Variants in XPR1 observed in about 807,000 individuals in gnomAD.
The protein encoded by XPR1 is xenotropic and polytropic retrovirus receptor 1, also known as solute carrier family 53 member 1.
A neutral mutation model predicts 87.5 loss-of-function variants in XPR1; 28 were observed. The ratio of observed to expected loss-of-function variants is 0.32; its 90% CI spans 0.24 to 0.44. XPR1 has a LOEUF of 0.44. XPR1 is among the 20% of genes least tolerant of loss of function. The probability of loss-of-function intolerance (pLI) is 1.00; values close to 1 mark genes in which losing one functional copy is unlikely to be tolerated. For synonymous variants in XPR1, 300 were observed against 306.1 expected (o/e 0.98, Z 0.21); for missense variants, 559 against 862.3 (o/e 0.65, Z 4.41).
chr1:180,750,056 A>G (rs954219173), intron 2 of XPR1, among the ~76,000 whole-genome samples: 15 of 152,220 alleles, frequency 9.9e-5, no homozygotes, highest in Non-Finnish European at 1.6e-4. Flanking sequence ...TGAAAACACT[A>G]TGAATCATAG....
chr1:180,772,103 T>TTCAG (rs1403862021), intron 2 of XPR1, among the ~76,000 whole-genome samples: 188 of 152,032 alleles, frequency 1.2e-3, no homozygotes, highest in African/African-American at 4.4e-3. Context: ...TATTCAGTTA[T>TTCAG]TTATTTATTC....
rs1167165310 is a variant in XPR1 at position 180,849,511 on chromosome 1, C to T, written c.1501+12795C>T. ...GGGCGATCCAAAATTTGCATTTTTA[C>T]CATGTCTTCTGCTAAAGGTGATTCA... is the stretch of plus-strand genomic sequence containing the variant. On this transcript the variant is annotated intron_variant, in intron 11 of 14. Coordinates refer to ENST00000367590, the MANE Select transcript of XPR1 (RefSeq NM_004736.4). Among the ~76,000 whole-genome samples the T allele has an allele frequency of 2.0e-5, 3 of 152,120 alleles. No individual in the cohort carries two copies. The East Asian group carries it at 5.8e-4, about 29-fold the overall frequency.
chr1:180,798,934 A>T (rs1048885546), intron 3 of XPR1, among the ~76,000 whole-genome samples: 1 of 152,116 alleles, frequency 6.6e-6, no homozygotes, highest in African/African-American at 2.4e-5. Flanking sequence ...TTCCATTAAC[A>T]TATATTATTG....
chr1:180,808,563 C>A (rs1650086208), intron 6 of XPR1, among the ~76,000 whole-genome samples: 1 of 152,072 alleles, frequency 6.6e-6, no homozygotes, highest in South Asian at 2.1e-4. Context: ...TGTTAAAGGT[C>A]TTATATTTAG....
intron 2 of XPR1, among the ~76,000 whole-genome samples, chr1:180,712,181 C>G (rs1307198781): frequency 1.3e-5 from 2 of 152,160 alleles, no homozygotes; most frequent in Non-Finnish European, 1.5e-5. Flanking sequence ...AACAGTATGT[C>G]AGCATCATTA....
At chr1:180,678,825 C>T in intron 1 of XPR1, among the ~76,000 whole-genome samples, 1 of 152,174 alleles carries the variant, frequency 6.6e-6, no homozygotes, top group East Asian at 1.9e-4. Flanking sequence ...ACTTGAGTAT[C>T]TGTACTCTTT....
At chr1:180,686,161 T>C (rs886513080) in intron 2 of XPR1, among the ~76,000 whole-genome samples, 165 of 151,824 alleles carry the variant, frequency 1.1e-3, no homozygotes, top group African/African-American at 3.8e-3. Flanking sequence ...GCTTTGAATG[T>C]GTCCCAGAGA....
chr1:180,825,363 G>T lies in XPR1; in HGVS notation c.1134+19G>T. The T allele has an allele frequency of 6.2e-7, 1 of 1,602,642 alleles. No homozygotes were observed. The highest frequency in any genetic ancestry group is 1.7e-4 in the Middle Eastern group (1 of 5,988). On this transcript the variant is annotated intron_variant, in intron 9 of 14. Coordinates refer to ENST00000367590, the MANE Select transcript of XPR1 (RefSeq NM_004736.4). The stretch of plus-strand genomic sequence containing the variant: ...ACTGCTGGTAAGTCCAGAAACTTGT[G>T]TACCACTTTTAGAGTGGCATATTGG...
chr1:180,802,451 G>C (rs1649822410), intron 3 of XPR1, among the ~76,000 whole-genome samples: 1 of 152,186 alleles, frequency 6.6e-6, no homozygotes, highest in African/African-American at 2.4e-5. Context: ...GGAGATTACA[G>C]ATCTAAAGCC....
intron 2 of XPR1, among the ~76,000 whole-genome samples, chr1:180,684,437 C>T (rs1305219078): frequency 6.6e-6 from 1 of 152,074 alleles, no homozygotes; most frequent in Non-Finnish European, 1.5e-5. Flanking sequence ...CTCCGGCTTT[C>T]TTCTTTTGGC....
intron 1 of XPR1, among the ~76,000 whole-genome samples, chr1:180,635,845 A>G (rs1354266417): frequency 6.6e-6 from 1 of 152,224 alleles, no homozygotes; most frequent in Non-Finnish European, 1.5e-5. Flanking sequence ...CAACCCCCGT[A>G]TTATTTAAGG....
intron 11 of XPR1, among the ~76,000 whole-genome samples, chr1:180,856,235 A>G (rs12073278): frequency 0.02 from 3,092 of 152,272 alleles, 105 homozygotes; most frequent in African/African-American, 0.071. Context: ...TTAGAATTTA[A>G]ATTTTTTAAG....
At chr1:180,741,982 A>G (rs1339136715) in intron 2 of XPR1, among the ~76,000 whole-genome samples, 3 of 151,900 alleles carry the variant, frequency 2.0e-5, no homozygotes, top group Admixed American at 6.6e-5. Flanking sequence ...CAATGTCTGT[A>G]GTTCTTCCCT....
chr1:180,838,887 G>A (rs1170902380), intron 11 of XPR1, among the ~76,000 whole-genome samples: 1 of 152,050 alleles, frequency 6.6e-6, no homozygotes, highest in African/African-American at 2.4e-5. Context: ...TTTGTTTTCT[G>A]TTCTGGGTTG....
chr1:180,738,279 A>T (rs1264403945), intron 2 of XPR1, among the ~76,000 whole-genome samples: 3 of 152,122 alleles, frequency 2.0e-5, no homozygotes, highest in Non-Finnish European at 4.4e-5. Flanking sequence ...CCAAAGTGCT[A>T]GGATTACAGG....
At chr1:180,711,609 G>GGGGAGA (rs1657798332) in intron 2 of XPR1, among the ~76,000 whole-genome samples, 3 of 151,934 alleles carry the variant, frequency 2.0e-5, no homozygotes, top group African/African-American at 7.3e-5. Context: ...CCGTGGGGAG[G>GGGGAGA]GGGAGAGGGA....
At chr1:180,852,370 A>AAG (rs1651891077) in intron 11 of XPR1, among the ~76,000 whole-genome samples, 1 of 152,194 alleles carries the variant, frequency 6.6e-6, no homozygotes, top group South Asian at 2.1e-4. Flanking sequence ...TCATACAGTC[A>AAG]AGATACAGAA....
At position 180,784,172 on chromosome 1, in the gene XPR1, C is replaced by T. The variant is rs1292744071; in HGVS notation, c.122-3581C>T. On this transcript the variant is annotated intron_variant, in intron 2 of 14. Coordinates refer to ENST00000367590, the MANE Select transcript of XPR1 (RefSeq NM_004736.4). ...CACTGAAAATTTTAATAGCTATTGCCAAATTGTCTTCCTAAAATTTACATT... is the reference window on the plus strand; with the variant it reads ...CACTGAAAATTTTAATAGCTATTGCTAAATTGTCTTCCTAAAATTTACATT... 3.3e-5 allele frequency among the ~76,000 whole-genome samples: 5 copies of T among 152,024 alleles called. No individual in the cohort carries two copies. The East Asian group carries it at 9.6e-4, about 29-fold the overall frequency.
intron 2 of XPR1, among the ~76,000 whole-genome samples, chr1:180,704,187 C>A (rs945410094): frequency 8.2e-5 from 11 of 134,638 alleles, no homozygotes; most frequent in Middle Eastern, 4.3e-3. Context: ...AAGCTTGTTT[C>A]TATTCTGACT....
Sources: allele counts gnomAD v4.1 joint callset (sites outside exome capture counted in the v4.1 genomes callset), GRCh38; gene constraint gnomAD v4.1.1; transcripts MANE v1.5; gene names NCBI Gene and HGNC (gene_info 2026-07-23, HGNC 2026-07-21).